FSTL5: variants seen among roughly 807,000 people sequenced by gnomAD.
The protein encoded by FSTL5 is follistatin like 5, also known as follistatin-related protein 5.
A neutral mutation model predicts 89.1 loss-of-function variants in FSTL5; 62 were observed. The ratio of observed to expected loss-of-function variants is 0.70; its 90% confidence interval spans 0.57 to 0.86. FSTL5 has a LOEUF of 0.86. FSTL5 is among the 40% of genes least tolerant of loss of function. The pLI is 0.00. For missense variants in FSTL5, 1,057 were observed against 1,001.6 expected (o/e 1.06, Z -0.75); for synonymous variants, 383 against 346.2 (o/e 1.11, Z -1.18).
chr4:161,676,738 T>G (rs1443586011), intron 6 of FSTL5, among the ~76,000 whole-genome samples: 3 of 147,082 alleles, frequency 2.0e-5, no homozygotes, highest in African/African-American at 7.7e-5. Flanking sequence ...ATTTGGAAAA[T>G]ACATACACGC....
At chr4:161,456,149 C>T (rs999929571) in intron 14 of FSTL5, among the ~76,000 whole-genome samples, 2 of 152,112 alleles carry the variant, frequency 1.3e-5, no homozygotes, top group African/African-American at 4.8e-5. Flanking sequence ...CAAGTTATTT[C>T]CTGGGAATAT....
intron 4 of FSTL5, among the ~76,000 whole-genome samples, chr4:161,813,751 A>C (rs359146): frequency 0.017 from 2,288 of 135,932 alleles, 56 homozygotes; most frequent in African/African-American, 0.061. Context: ...GCATATTCTT[A>C]ATTGTTTATT....
chr4:161,992,948 A>T (rs1294740786), intron 3 of FSTL5, among the ~76,000 whole-genome samples: 1 of 6,126 alleles, frequency 1.6e-4, no homozygotes, highest in African/African-American at 3.1e-4. Context: ...ATATGTGTGT[A>T]TATCTATATA....
chr4:161,627,051 G>C (rs1197463691), intron 7 of FSTL5, among the ~76,000 whole-genome samples: 1 of 152,182 alleles, frequency 6.6e-6, no homozygotes, highest in African/African-American at 2.4e-5. Flanking sequence ...AATGATTTAG[G>C]AGATTATGTA....
chr4:161,636,460 C>CTTTTTTTTTTT (rs67780564), intron 7 of FSTL5, among the ~76,000 whole-genome samples: 12 of 121,064 alleles, frequency 9.9e-5, no homozygotes, highest in South Asian at 2.7e-4. Context: ...TTTTTTTTTT[C>CTTTTTTTTTTT]TTTTTTTTTT....
chr4:161,388,509 T>G (rs931305675), intron 15 of FSTL5: 3 of 152,114 alleles, frequency 2.0e-5, no homozygotes, highest in Non-Finnish European at 4.4e-5. Flanking sequence ...AGTACCACTA[T>G]GTAATCTCAG....
At chr4:162,010,448 A>G (rs1736727361) in intron 3 of FSTL5, among the ~76,000 whole-genome samples, 1 of 152,218 alleles carries the variant, frequency 6.6e-6, no homozygotes, top group Non-Finnish European at 1.5e-5. Context: ...ATGAACATGT[A>G]AGAAATAATC....
chr4:162,124,360 A>G (rs1015920173), intron 1 of FSTL5, among the ~76,000 whole-genome samples: 1 of 152,184 alleles, frequency 6.6e-6, no homozygotes, highest in African/African-American at 2.4e-5. Flanking sequence ...GTAATTCTGT[A>G]AAATCCACAC....
chr4:161,917,650 C>CA (rs1310167449), intron 4 of FSTL5, among the ~76,000 whole-genome samples: 1 of 152,020 alleles, frequency 6.6e-6, no homozygotes, highest in Non-Finnish European at 1.5e-5. Flanking sequence ...TCAAGATAGT[C>CA]AAGAAGATAC....
intron 3 of FSTL5, among the ~76,000 whole-genome samples, chr4:161,968,006 G>C (rs1177957364): frequency 2.0e-5 from 3 of 151,678 alleles, no homozygotes; most frequent in African/African-American, 4.8e-5. Flanking sequence ...AAATACTTGT[G>C]TATTTTCTTT....
chr4:162,065,516 T>A (rs1446384802), intron 2 of FSTL5, among the ~76,000 whole-genome samples: 1 of 151,928 alleles, frequency 6.6e-6, no homozygotes, highest in African/African-American at 2.4e-5. Flanking sequence ...TATCACCTAG[T>A]ACATGCGAGC....
intron 7 of FSTL5, among the ~76,000 whole-genome samples, chr4:161,618,428 T>G (rs569661291): frequency 9.1e-4 from 122 of 134,710 alleles, no homozygotes; most frequent in African/African-American, 3.4e-3. Flanking sequence ...GCTTCCAGTT[T>G]TTGCCCATTC....
chr4:161,461,411 A>T (rs1476657266), intron 13 of FSTL5, among the ~76,000 whole-genome samples: 1 of 140,732 alleles, frequency 7.1e-6, no homozygotes, highest in Non-Finnish European at 1.5e-5. Flanking sequence ...CAGTGAGCAG[A>T]GATCACGCCA....
intron 10 of FSTL5, among the ~76,000 whole-genome samples, chr4:161,533,813 C>T (rs1254650599): frequency 2.0e-5 from 3 of 151,978 alleles, no homozygotes; most frequent in African/African-American, 4.8e-5. Flanking sequence ...CCCTGATGAA[C>T]ATAGATGCAA....
At chr4:161,946,260 G>A (rs943357626) in intron 3 of FSTL5, among the ~76,000 whole-genome samples, 2 of 152,138 alleles carry the variant, frequency 1.3e-5, no homozygotes, top group Non-Finnish European at 2.9e-5. Flanking sequence ...TTGAGTCATA[G>A]TGATTAATTT....
intron 8 of FSTL5, among the ~76,000 whole-genome samples, chr4:161,556,334 G>C (rs1732392112): frequency 6.6e-6 from 1 of 151,488 alleles, no homozygotes; most frequent in African/African-American, 2.4e-5. Flanking sequence ...GGAAGCTTTT[G>C]TTTATAACTT....
chr4:161,961,416 TTAAAA>T (rs1340214370), intron 3 of FSTL5, among the ~76,000 whole-genome samples: 3 of 152,030 alleles, frequency 2.0e-5, no homozygotes. Flanking sequence ...CCGGTTTATC[TTAAAA>T]TGTTAAATAT....
intron 13 of FSTL5, among the ~76,000 whole-genome samples, chr4:161,473,167 T>C (rs993816953): frequency 2.0e-5 from 3 of 152,188 alleles, no homozygotes; most frequent in African/African-American, 7.2e-5. Flanking sequence ...CTGTTAGATC[T>C]GTTGGTTTAT....
chr4:162,151,983 T>C (rs887427297), intron 1 of FSTL5, among the ~76,000 whole-genome samples: 2 of 152,126 alleles, frequency 1.3e-5, no homozygotes, highest in Non-Finnish European at 2.9e-5. Flanking sequence ...GCAAAACATG[T>C]ATAATTAACC....
Sources: gnomAD v4.1 joint callset for allele counts (sites outside exome capture counted in the v4.1 genomes callset) on GRCh38, gnomAD v4.1.1 for gene constraint, MANE v1.5 for transcripts, NCBI Gene and HGNC (gene_info 2026-07-23, HGNC 2026-07-21) for gene names.